SLC39A12: variants seen among roughly 807,000 people sequenced by gnomAD.
SLC39A12 encodes the protein solute carrier family 39 member 12.
SLC39A12 carries 63 observed loss-of-function variants against 71.1 expected under a neutral mutation model. The ratio of observed to expected loss-of-function variants is 0.89; its 90% CI spans 0.72 to 1.09. The LOEUF (loss-of-function observed/expected upper bound fraction) is 1.09. Among genes scored for constraint, SLC39A12 ranks in the 50% least tolerant of loss-of-function variants. SLC39A12 has a pLI of 0.00. For missense variants in SLC39A12, 892 were observed against 812.6 expected (o/e 1.10, Z -1.19); for synonymous variants, 351 against 301.3 (o/e 1.16, Z -1.71).
At chr10:18,011,214 G>A (rs926573943) in intron 12 of SLC39A12, among the ~76,000 whole-genome samples, 2 of 152,000 alleles carry the variant, frequency 1.3e-5, no homozygotes, top group South Asian at 2.1e-4. Flanking sequence ...CTCAGCCTCT[G>A]GAGTAGCTGG....
intron 12 of SLC39A12, among the ~76,000 whole-genome samples, chr10:18,030,892 G>A (rs948504484): frequency 6.8e-6 from 1 of 147,486 alleles, no homozygotes; most frequent in African/African-American, 2.5e-5. Flanking sequence ...GTGAGAATAT[G>A]CGGTGTTTGG....
chr10:18,004,757 A>G (rs1835960213), intron 12 of SLC39A12, among the ~76,000 whole-genome samples: 1 of 152,146 alleles, frequency 6.6e-6, no homozygotes, highest in African/African-American at 2.4e-5. Flanking sequence ...ATTCAAAGGA[A>G]TATGAATCAT....
intron 9 of SLC39A12, among the ~76,000 whole-genome samples, chr10:17,993,852 TTAAG>T (rs948482169): frequency 7.2e-5 from 11 of 152,206 alleles, no homozygotes; most frequent in African/African-American, 2.7e-4. Context: ...TTCAAATGCT[TTAAG>T]TAAGAAGTAT....
At chr10:17,997,162 A>G (rs1350859401) in intron 10 of SLC39A12, among the ~76,000 whole-genome samples, 1 of 152,232 alleles carries the variant, frequency 6.6e-6, no homozygotes, top group African/African-American at 2.4e-5. Context: ...GTTTGAAGAC[A>G]TGTCCTGCTT....
intron 10 of SLC39A12, among the ~76,000 whole-genome samples, 154 bp downstream of exon 10, chr10:17,995,876 C>T (rs1248319524): frequency 6.6e-6 from 1 of 152,166 alleles, no homozygotes; most frequent in Non-Finnish European, 1.5e-5. Flanking sequence ...AAAACTAATT[C>T]CTATCCAGCT....
At chr10:18,013,376 A>T (rs187366413) in intron 12 of SLC39A12, among the ~76,000 whole-genome samples, 1,942 of 148,254 alleles carry the variant, frequency 0.013, 52 homozygotes, top group African/African-American at 0.045. Flanking sequence ...TATTATTATT[A>T]TTATTATTAG....
intron 4 of SLC39A12, among the ~76,000 whole-genome samples, chr10:17,972,014 A>T (rs115808785): frequency 0.014 from 2,057 of 152,068 alleles, 39 homozygotes; most frequent in African/African-American, 0.043. Flanking sequence ...TTCTCATAGG[A>T]TTTGGTATGT....
rs781834709 is a variant in SLC39A12, at chr10:17,961,747, A to G, written c.428A>G (p.Tyr143Cys). The change falls in exon 3 of 13, where the codon TAC becomes TGC. Residue 143 changes from tyrosine (Y) to cysteine (C), a missense_variant. Coordinates refer to ENST00000377369, the MANE Select transcript of SLC39A12 (RefSeq NM_001145195.2). ...LNMSNKEYKF[Y>C]LHSLLSLRQD... ...ATGAGTAATAAAGAGTATAAATTTT[A>G]CCTACACAGCCTACTGAGCCTCAGG... 1.9e-6 allele frequency: 3 copies of G among 1,614,108 alleles called. No homozygotes were observed. The South Asian group carries it at 3.3e-5, about 18-fold the overall frequency.
chr10:18,016,784 A>T, intron 12 of SLC39A12, among the ~76,000 whole-genome samples: 1 of 152,196 alleles, frequency 6.6e-6, no homozygotes, highest in East Asian at 1.9e-4. Context: ...TTTGCAATTC[A>T]CTAATAATAT....
intron 4 of SLC39A12, among the ~76,000 whole-genome samples, chr10:17,974,538 C>G (rs1336691674): frequency 6.6e-6 from 1 of 152,336 alleles, no homozygotes; most frequent in Non-Finnish European, 1.5e-5. Flanking sequence ...ATACAGATAT[C>G]TGGTCCTGGA....
chr10:18,004,993 A>G (rs1835970315), intron 12 of SLC39A12, among the ~76,000 whole-genome samples: 1 of 143,144 alleles, frequency 7.0e-6, no homozygotes, highest in Non-Finnish European at 1.5e-5. Context: ...CAAACACAGC[A>G]TGTTCTCACT....
intron 10 of SLC39A12, among the ~76,000 whole-genome samples, chr10:17,996,383 C>G (rs1484262211): frequency 6.6e-6 from 1 of 152,104 alleles, no homozygotes; most frequent in Non-Finnish European, 1.5e-5. Flanking sequence ...ATCTGTTACT[C>G]TTGAACTTTT....
At chr10:17,978,152 T>C (rs1215429641) in intron 5 of SLC39A12, 78 bp downstream of exon 5, 16 of 1,225,356 alleles carry the variant, frequency 1.3e-5, no homozygotes, top group Middle Eastern at 2.0e-4. Flanking sequence ...ATTAGAGTTG[T>C]AGAAAACTTA....
chr10:18,024,112 G>C (rs1295721766), intron 12 of SLC39A12, among the ~76,000 whole-genome samples: 1 of 152,204 alleles, frequency 6.6e-6, no homozygotes, highest in Non-Finnish European at 1.5e-5. Context: ...CCCAGGTGGA[G>C]GTGGGGTGGC....
At chr10:18,036,256 G>A (rs545399423) in intron 12 of SLC39A12, among the ~76,000 whole-genome samples, 7 of 152,316 alleles carry the variant, frequency 4.6e-5, no homozygotes, top group South Asian at 2.1e-4. Flanking sequence ...CCTCACTGCC[G>A]CCTTGCAGTT....
rs1835886061 is a variant in SLC39A12, at chr10:18,003,225, T to C, written c.1814T>C (p.Met605Thr). 1 of 1,614,038 alleles carries C rather than the reference T, an allele frequency of 6.2e-7. No individual in the cohort carries two copies. ...CTTTCTATGAAGACTGCCATCCTGA[T>C]GAATTTTATAAGCTCCCTAACTGCC... ...SGLSMKTAIL[M>T]NFISSLTAFM... is the part of the protein sequence containing the mutation. Residue 605 changes from methionine to threonine, a missense_variant, in exon 12 of 13, where the codon ATG (methionine) becomes ACG (threonine). Transcript: ENST00000377369.
chr10:17,955,196 G>C (rs1834509992), intron 2 of SLC39A12, among the ~76,000 whole-genome samples: 1 of 152,162 alleles, frequency 6.6e-6, no homozygotes. Context: ...TCCATTTTCA[G>C]GGCTGGGGGA....
intron 4 of SLC39A12, among the ~76,000 whole-genome samples, chr10:17,971,933 T>G (rs1834985051): frequency 6.6e-6 from 1 of 152,200 alleles, no homozygotes; most frequent in Admixed American, 6.5e-5. Flanking sequence ...AGATTGTTAA[T>G]TTGAAATCTC....
At chr10:18,008,423 C>T (rs1449874648) in intron 12 of SLC39A12, 1 of 152,170 alleles carries the variant, frequency 6.6e-6, no homozygotes, top group Non-Finnish European at 1.5e-5. Context: ...GCTTAGGGCC[C>T]CCCACTGATT....
Sources: gnomAD v4.1 joint callset for allele counts (sites outside exome capture counted in the v4.1 genomes callset) on GRCh38, gnomAD v4.1.1 for gene constraint, MANE v1.5 for transcripts, NCBI Gene and HGNC (gene_info 2026-07-23, HGNC 2026-07-21) for gene names.